Variants in BICC1 observed in about 807,000 individuals in gnomAD.
The protein encoded by BICC1 is protein bicaudal C homolog 1.
BICC1 carries 43 observed loss-of-function variants against 111.0 expected under a neutral mutation model. That is an observed-to-expected ratio of 0.39 (90% CI 0.30 to 0.50). BICC1 has a LOEUF of 0.50. Ranked by LOEUF, BICC1 falls within the 20% of genes least tolerant of loss-of-function variation. BICC1 has a pLI of 0.88. For synonymous variants in BICC1, 467 were observed against 434.4 expected, an observed-to-expected ratio of 1.07 and a Z score of -0.93; for missense variants, 1,091 against 1,203.2, an observed-to-expected ratio of 0.91 and a Z score of 1.38.
intron 1 of BICC1, among the ~76,000 whole-genome samples, chr10:58,601,456 A>G (rs1415259669): frequency 6.6e-6 from 1 of 151,296 alleles, no homozygotes; most frequent in East Asian, 1.9e-4. Context: ...AAGTGTCTAT[A>G]TCTAAATTTT....
intron 1 of BICC1, among the ~76,000 whole-genome samples, chr10:58,549,245 A>T (rs1297603410): frequency 6.6e-6 from 1 of 152,104 alleles, no homozygotes; most frequent in Non-Finnish European, 1.5e-5. Context: ...CTTGACCAGT[A>T]TAAATAAGAC....
intron 2 of BICC1, among the ~76,000 whole-genome samples, chr10:58,675,128 G>A (rs985586396): frequency 4.6e-5 from 7 of 152,180 alleles, no homozygotes; most frequent in Non-Finnish European, 1.5e-5. Flanking sequence ...CAACTTATTA[G>A]ATATGGTTGT....
At chr10:58,793,194 A>G (rs1345043048) in intron 8 of BICC1, among the ~76,000 whole-genome samples, 1 of 152,204 alleles carries the variant, frequency 6.6e-6, no homozygotes, top group Non-Finnish European at 1.5e-5. Context: ...ACAAAACTGA[A>G]GTTAGAGAAT....
intron 2 of BICC1, among the ~76,000 whole-genome samples, chr10:58,625,156 G>T (rs1700197274): frequency 6.6e-6 from 1 of 152,204 alleles, no homozygotes; most frequent in African/African-American, 2.4e-5. Context: ...ACTCCTGATG[G>T]CAGCTCTATC....
Position 58,517,870 on chromosome 10 carries a change from A to G in BICC1, c.190+4537A>G, listed in dbSNP as rs541694323. 4.1e-4 allele frequency among the ~76,000 whole-genome samples: 63 copies of G among 152,364 alleles called. 1 individual carries two copies. In the South Asian group the frequency reaches 8.9e-3, roughly 22 times the overall value. The stretch of plus-strand genomic sequence containing the variant: ...GCTGAATAAGCTAATAACAATATTC[A>G]CAGTAAATCATTATGTATAAAATGC... On this transcript the variant is annotated intron_variant, in intron 1 of 20. Transcript: ENST00000373886.
chr10:58,716,339 A>G lies in BICC1; in HGVS notation c.307+14196A>G, dbSNP rs1245613897. 5.0e-6 allele frequency: 7 copies of G among 1,397,060 alleles called. No homozygotes were observed. The Admixed American group carries it at 1.4e-4, about 27-fold the overall frequency. The allele number at this position is 1,397,060 out of a possible 1,614,324, so 86.5% of individuals were successfully genotyped here. On this transcript the variant is annotated intron_variant, in intron 3 of 20. Coordinates refer to ENST00000373886, the MANE Select transcript of BICC1 (RefSeq NM_001080512.3). The stretch of plus-strand genomic sequence containing the variant: ...ATAAAGAAAGTGCAATGTCTGAGGA[A>G]ATTTCAACTGTGAAAACTACAACAT...
intron 8 of BICC1, among the ~76,000 whole-genome samples, chr10:58,790,386 T>C (rs1843141235): frequency 6.6e-6 from 1 of 152,178 alleles, no homozygotes; most frequent in Non-Finnish European, 1.5e-5. Flanking sequence ...ATTTCATAAA[T>C]CTTTGATCCA....
intron 1 of BICC1, among the ~76,000 whole-genome samples, chr10:58,590,178 C>G (rs768257481): frequency 2.0e-5 from 3 of 152,230 alleles, no homozygotes; most frequent in Middle Eastern, 6.8e-3. Context: ...TTTGATGGGA[C>G]TGTTTTTATG....
At chr10:58,793,640 G>C in intron 9 of BICC1, 25 bp downstream of exon 9, 1 of 1,611,102 alleles carries the variant, frequency 6.2e-7, no homozygotes, top group South Asian at 1.1e-5. Context: ...TGAATCCAGA[G>C]AATTATGTAT....
Position 58,639,575 on chromosome 10 carries a change from T to G in BICC1, c.237+18674T>G, listed in dbSNP as rs1429335273. ...ACCACACCCAGCTAATTGTTTTTTT[T>G]TTTTTTTTTTTTTGTATTTTTAGTA... On this transcript the variant is annotated intron_variant, in intron 2 of 20. Coordinates refer to ENST00000373886, the MANE Select transcript of BICC1 (RefSeq NM_001080512.3). Among the ~76,000 whole-genome samples, 89 of 147,148 alleles carry G rather than the reference T, an allele frequency of 6.0e-4. 1 individual carries two copies. The highest frequency in any genetic ancestry group is 2.2e-3 in the African/African-American group (86 of 39,800).
At position 58,793,763 on chromosome 10, in the gene BICC1, A is replaced by G. The variant is rs1262169206; in HGVS notation, c.1179+148A>G. 1.2e-5 allele frequency: 11 copies of G among 881,488 alleles called. No homozygotes were observed. In the East Asian group the frequency reaches 3.3e-4, roughly 27 times the overall value. The allele number at this position is 881,488 out of a possible 1,614,324, so 54.6% of individuals were successfully genotyped here. On this transcript the variant is annotated intron_variant, in intron 9 of 20. Coordinates refer to ENST00000373886, the MANE Select transcript of BICC1 (RefSeq NM_001080512.3). ...CCAATCCGGAATGCTCCAAAAGCTG[A>G]ATCTTTTTTAGCACTGACATGACAG...
chr10:58,650,000 C>A (rs1838395833), intron 2 of BICC1: 1 of 152,050 alleles, frequency 6.6e-6, no homozygotes, highest in South Asian at 2.1e-4. Flanking sequence ...CTACTTGACT[C>A]ACTACGTAGC....
intron 1 of BICC1, among the ~76,000 whole-genome samples, chr10:58,530,827 G>A (rs1224502855): frequency 6.6e-6 from 1 of 151,578 alleles, no homozygotes; most frequent in Non-Finnish European, 1.5e-5. Context: ...ACAAAAATAA[G>A]CCTGTCTGCA....
At position 58,813,830 on chromosome 10, in the gene BICC1, G is replaced by A. The variant is rs1185947160; in HGVS notation, c.2377G>A (p.Gly793Ser). The change falls in exon 18 of 21, where the codon GGC (glycine) becomes AGC (serine). Residue 793 changes from glycine (G) to serine (S), a missense_variant and splice_region_variant. Physicochemically the swap from Gly to Ser is moderately conservative, Grantham distance 56. Coordinates refer to ENST00000373886, the MANE Select transcript of BICC1 (RefSeq NM_001080512.3). The stretch of plus-strand genomic sequence containing the variant: ...CTTATCTGGCTTTGTCTGTTTACAG[G>A]GCTCATCCATGTCCCTTTCACGGTC... ...YKPTMTTTYE[G>S]SSMSLSRSNS... 1.2e-6 allele frequency: 2 copies of A among 1,613,524 alleles called. No homozygotes were observed. The highest frequency in any genetic ancestry group is 1.3e-5 in the African/African-American group (1 of 74,882).
In BICC1 at chr10:58,620,959, A is replaced by G. The variant is rs867768899; in HGVS notation, c.237+58A>G. ...AGTAAGAGGAAATATACTTATCTCA[A>G]CAGCTACCCTAGAAGCCACCGAACG... On this transcript the variant is annotated intron_variant, in intron 2 of 20. Transcript: ENST00000373886. 83 of 1,502,340 alleles carry G rather than the reference A, an allele frequency of 5.5e-5. No homozygotes were observed. In the Middle Eastern group the frequency reaches 1.2e-3, roughly 22 times the overall value. 93.1% of individuals were successfully genotyped at this position (1,502,340 alleles called of 1,614,324 possible). A position where few individuals can be genotyped will look rare whatever the true frequency, so the allele number is the denominator to read the frequency against.
chr10:58,597,099 C>T (rs1844841226), intron 1 of BICC1, among the ~76,000 whole-genome samples: 1 of 152,096 alleles, frequency 6.6e-6, no homozygotes, highest in Non-Finnish European at 1.5e-5. Context: ...AATGTAAGTT[C>T]TTTCTATTTT....
At chr10:58,757,165 T>G (rs1842171476) in intron 3 of BICC1, among the ~76,000 whole-genome samples, 1 of 152,180 alleles carries the variant, frequency 6.6e-6, no homozygotes, top group Non-Finnish European at 1.5e-5. Context: ...GTATATAAAA[T>G]AATGAGACCA....
chr10:58,634,919 G>T (rs902538200), intron 2 of BICC1, among the ~76,000 whole-genome samples: 5 of 152,146 alleles, frequency 3.3e-5, no homozygotes, highest in South Asian at 2.1e-4. Context: ...AGTGGAAGTG[G>T]ATCATCATAA....
At chr10:58,732,383 A>G (rs1214251181) in intron 3 of BICC1, among the ~76,000 whole-genome samples, 31 of 306 alleles carry the variant, frequency 0.1, no homozygotes, top group African/African-American at 0.28. Flanking sequence ...GTGTATGTAT[A>G]TATATATATA....
Sources: gnomAD v4.1 joint callset for allele counts (sites outside exome capture counted in the v4.1 genomes callset) on GRCh38, gnomAD v4.1.1 for gene constraint, MANE v1.5 for transcripts, NCBI Gene and HGNC (gene_info 2026-07-23, HGNC 2026-07-21) for gene names.